DAB1: variants seen among roughly 807,000 people sequenced by gnomAD.
DAB1 encodes the protein disabled homolog 1.
In DAB1, 15 loss-of-function variants were observed where a neutral mutation model predicts 64.6. The observed-to-expected ratio is 0.23, with a 90% CI of 0.16 to 0.36. DAB1 has a LOEUF of 0.36. Among genes scored for constraint, DAB1 ranks in the 10% least tolerant of loss-of-function variants. The pLI is 1.00. For synonymous variants in DAB1, 235 were observed against 251.9 expected (o/e 0.93, Z 0.64); for missense variants, 596 against 706.7 (o/e 0.84, Z 1.78).
At chr1:57,333,571 A>G (rs148650370) in intron 1 of DAB1, among the ~76,000 whole-genome samples, 60 of 152,338 alleles carry the variant, frequency 3.9e-4, no homozygotes, top group African/African-American at 1.3e-3. Flanking sequence ...TAACCAACCA[A>G]TTGACAAAGA....
intron 5 of DAB1, among the ~76,000 whole-genome samples, chr1:57,903,082 C>T (rs1375725577): frequency 2.6e-5 from 4 of 152,040 alleles, no homozygotes; most frequent in Admixed American, 6.6e-5. Flanking sequence ...CATCAGATCT[C>T]GTGAGACTTA....
intron 7 of DAB1, among the ~76,000 whole-genome samples, chr1:57,590,055 T>C (rs1645425680): frequency 6.6e-6 from 1 of 152,032 alleles, no homozygotes; most frequent in Non-Finnish European, 1.5e-5. Context: ...CCAGACTAAG[T>C]GGGTTAAACA....
chr1:57,136,839 A>G (rs999694322), intron 3 of DAB1, among the ~76,000 whole-genome samples, 198 bp from the exon 4 acceptor site: 17 of 152,118 alleles, frequency 1.1e-4, no homozygotes, highest in Admixed American at 9.2e-4. Flanking sequence ...TAGTGTTTCT[A>G]ACACATTGTA....
At chr1:58,248,755 G>A (rs614373) in intron 4 of DAB1, among the ~76,000 whole-genome samples, 102,231 of 151,928 alleles carry the variant, frequency 0.67, 35,414 homozygotes, top group African/African-American at 0.82. Flanking sequence ...ATATGGCTGT[G>A]TTGTAATACT....
intron 4 of DAB1, among the ~76,000 whole-genome samples, chr1:57,094,746 T>C (rs1654003127): frequency 6.6e-6 from 1 of 152,212 alleles, no homozygotes. Flanking sequence ...CACTGTCCTA[T>C]GCTCAATTCT....
At chr1:57,958,587 G>A (rs1347847849) in intron 5 of DAB1, among the ~76,000 whole-genome samples, 1 of 152,150 alleles carries the variant, frequency 6.6e-6, no homozygotes, top group Non-Finnish European at 1.5e-5. Flanking sequence ...AGAGGATTCA[G>A]AATAGGCATT....
At chr1:57,136,853 A>G (rs922329315) in intron 3 of DAB1, among the ~76,000 whole-genome samples, 3 of 152,168 alleles carry the variant, frequency 2.0e-5, no homozygotes, top group South Asian at 4.1e-4. Flanking sequence ...CATTGTATAG[A>G]GAAATATTTG....
chr1:58,448,128 C>T (rs961920748), intron 3 of DAB1, among the ~76,000 whole-genome samples: 10 of 152,126 alleles, frequency 6.6e-5, no homozygotes, highest in Non-Finnish European at 1.3e-4. Context: ...TGCAGAAATG[C>T]TTTCCCTGTG....
In DAB1 at chr1:57,556,880, G is replaced by A. The variant is rs564618947; in HGVS notation, n.625+92712C>T. Among the ~76,000 whole-genome samples, 13 of 152,244 alleles carry A rather than the reference G, an allele frequency of 8.5e-5. 2 individuals carry two copies. The South Asian group carries it at 2.1e-3, about 24-fold the overall frequency. On this transcript the variant is annotated intron_variant and non_coding_transcript_variant, in intron 7 of 20. Transcript: ENST00000485760. ...CAATGTCTAGAAGGGTTTTTCCAAC[G>A]TTATCTTCTAGAATTTTTATGGTCT...
At chr1:58,210,062 C>CA (rs1347778379) in intron 4 of DAB1, among the ~76,000 whole-genome samples, 2 of 152,106 alleles carry the variant, frequency 1.3e-5, no homozygotes, top group Non-Finnish European at 2.9e-5. Flanking sequence ...GTTTGCCACT[C>CA]AAAGAAATAA....
At chr1:57,436,953 G>A (rs1483911577) in intron 7 of DAB1, among the ~76,000 whole-genome samples, 1 of 151,298 alleles carries the variant, frequency 6.6e-6, no homozygotes, top group African/African-American at 2.4e-5. Flanking sequence ...GTGTGAACCT[G>A]GGAGGCGGAG....
chr1:57,222,075 T>G (rs1666921536), intron 2 of DAB1, among the ~76,000 whole-genome samples: 1 of 152,164 alleles, frequency 6.6e-6, no homozygotes, highest in African/African-American at 2.4e-5. Flanking sequence ...TTTGCAAAAA[T>G]TCAGTGAGAA....
chr1:58,454,450 C>T (rs749468108), intron 3 of DAB1, among the ~76,000 whole-genome samples: 3 of 152,060 alleles, frequency 2.0e-5, no homozygotes, highest in South Asian at 2.1e-4. Context: ...TTGCAGGAGT[C>T]GACCCAAACT....
At chr1:57,181,992 A>T (rs559395748) in intron 2 of DAB1, among the ~76,000 whole-genome samples, 222 of 152,054 alleles carry the variant, frequency 1.5e-3, no homozygotes, top group Non-Finnish European at 2.5e-3. Context: ...TTCAAGTGAT[A>T]CTCCTGCCTC....
At chr1:57,782,302 TGAA>T (rs1557477925) in intron 6 of DAB1, among the ~76,000 whole-genome samples, 1 of 152,152 alleles carries the variant, frequency 6.6e-6, no homozygotes, top group Non-Finnish European at 1.5e-5. Context: ...ATTTTACAGA[TGAA>T]GAATATGAAA....
chr1:58,032,846 A>G (rs1377902866), intron 5 of DAB1, among the ~76,000 whole-genome samples: 4 of 152,144 alleles, frequency 2.6e-5, no homozygotes, highest in Admixed American at 1.3e-4. Flanking sequence ...TGATAGGACA[A>G]TTTTACAAAA....
intron 1 of DAB1, among the ~76,000 whole-genome samples, chr1:57,342,966 C>CTTCCACAGCTCAGAAGGG (rs1399332546): frequency 6.6e-6 from 1 of 152,142 alleles, no homozygotes; most frequent in Non-Finnish European, 1.5e-5. Context: ...AAGAACAAAG[C>CTTCCACAGCTCAGAAGGG]TTCCACAGCT....
intron 2 of DAB1, among the ~76,000 whole-genome samples, chr1:57,248,702 G>A (rs1002104482): frequency 6.6e-6 from 1 of 152,172 alleles, no homozygotes. Context: ...CCCTGATAAT[G>A]CTATTCCTCA....
chr1:58,346,973 T>C (rs531494812), intron 3 of DAB1, among the ~76,000 whole-genome samples: 1 of 152,358 alleles, frequency 6.6e-6, no homozygotes, highest in East Asian at 1.9e-4. Flanking sequence ...CTAACCTCTC[T>C]GTGCCTCAAC....
Sources: gnomAD v4.1 joint callset for allele counts (sites outside exome capture counted in the v4.1 genomes callset) on GRCh38, gnomAD v4.1.1 for gene constraint, MANE v1.5 for transcripts, NCBI Gene and HGNC (gene_info 2026-07-23, HGNC 2026-07-21) for gene names.